The following HHLA1 variants were observed in gnomAD, a reference collection of about 807,000 sequenced individuals.
The protein encoded by HHLA1 is HERV-H LTR-associating protein 1.
In HHLA1, 72 loss-of-function variants were observed where a neutral mutation model predicts 69.9. The ratio of observed to expected loss-of-function variants is 1.03; its 90% CI spans 0.85 to 1.25. The LOEUF is 1.25. Ranked by LOEUF, HHLA1 falls within the 50% of genes most tolerant of loss-of-function variation. The pLI, the probability that HHLA1 is intolerant of heterozygous loss-of-function variation, is 0.00. For missense variants in HHLA1, 685 were observed against 642.2 expected, an observed-to-expected ratio of 1.07 and a Z score of -0.72; for synonymous variants, 252 against 233.2, an observed-to-expected ratio of 1.08 and a Z score of -0.73.
At chr8:132,082,057 C>G (rs1336374570) in intron 10 of HHLA1, among the ~76,000 whole-genome samples, 1 of 152,030 alleles carries the variant, frequency 6.6e-6, no homozygotes, top group Non-Finnish European at 1.5e-5. Flanking sequence ...TCAGGTGGAT[C>G]AGAGAGATAC....
intron 16 of HHLA1, 102 bp downstream of exon 16, chr8:132,065,784 C>A (rs1823426506): frequency 4.0e-6 from 2 of 497,508 alleles, no homozygotes; most frequent in Non-Finnish European, 7.5e-6. Flanking sequence ...ACTAGATGAG[C>A]TACAGCATTC....
chr8:132,087,808 G>T, intron 9 of HHLA1, 37 bp downstream of exon 9: 1 of 1,545,278 alleles, frequency 6.5e-7, no homozygotes, highest in Non-Finnish European at 8.8e-7. Flanking sequence ...CTATTTCTCA[G>T]CCCAGAGAGC....
intron 5 of HHLA1, among the ~76,000 whole-genome samples, chr8:132,096,868 C>T (rs2469492): frequency 0.2 from 30,328 of 152,066 alleles, 3,560 homozygotes; most frequent in Middle Eastern, 0.3. Flanking sequence ...GGAATGCAAT[C>T]GTGCAGTCAC....
At chr8:132,102,378 G>A (rs1824123523) in intron 3 of HHLA1, among the ~76,000 whole-genome samples, 1 of 152,164 alleles carries the variant, frequency 6.6e-6, no homozygotes, top group African/African-American at 2.4e-5. Flanking sequence ...CAAAGCTTCT[G>A]GGGTTAGAGG....
intron 16 of HHLA1, among the ~76,000 whole-genome samples, 176 bp downstream of exon 16, chr8:132,065,710 T>C (rs1359627990): frequency 6.6e-6 from 1 of 152,244 alleles, no homozygotes; most frequent in East Asian, 1.9e-4. Flanking sequence ...ATTGCAAACA[T>C]CAAGCTGTTA....
At chr8:132,078,768 GCCT>G (rs1383727043) in intron 11 of HHLA1, among the ~76,000 whole-genome samples, 1 of 152,162 alleles carries the variant, frequency 6.6e-6, no homozygotes, top group Non-Finnish European at 1.5e-5. Context: ...TTAACAGCTA[GCCT>G]CCTGTCTGGA....
intron 8 of HHLA1, among the ~76,000 whole-genome samples, chr8:132,089,139 T>C (rs1455289243): frequency 6.6e-6 from 1 of 152,204 alleles, no homozygotes; most frequent in Non-Finnish European, 1.5e-5. Flanking sequence ...TTAGGCTCCA[T>C]ATAGATTTAA....
chr8:132,075,169 CTGCAGG>C (rs1489204345), intron 14 of HHLA1, among the ~76,000 whole-genome samples: 76 of 152,312 alleles, frequency 5.0e-4, no homozygotes, highest in Non-Finnish European at 9.6e-4. Flanking sequence ...TCACTATTCA[CTGCAGG>C]CTGAGAGTAA....
intron 8 of HHLA1, 85 bp downstream of exon 8, chr8:132,089,431 G>C: frequency 1.3e-6 from 1 of 756,884 alleles, no homozygotes; most frequent in Non-Finnish European, 2.4e-6. Context: ...GCAGGGGTTG[G>C]GGTGAGGAAC....
intron 10 of HHLA1, among the ~76,000 whole-genome samples, chr8:132,085,830 G>T (rs4736542): frequency 5.2e-5 from 6 of 115,404 alleles, no homozygotes; most frequent in African/African-American, 2.1e-4. Context: ...AATGTCATCA[G>T]TTAAGGCAAG....
Position 132,077,795 on chromosome 8 carries a change from T to C in HHLA1, c.1102A>G (p.Ser368Gly), listed in dbSNP as rs375756746. 7.1e-6 allele frequency: 11 copies of C among 1,551,676 alleles called. No homozygotes were observed. The highest frequency in any genetic ancestry group is 9.6e-6 in the Non-Finnish European group (11 of 1,146,984). The stretch of plus-strand genomic sequence containing the variant: ...ATCTCAGCAGCAGGCGCCAAAAGGC[T>C]TGTAGTGTTCATGGCTTCCTCGGTC... Reference protein sequence around the residue: ...AGTEEAMNTTSLLAPAAEIMA... With the variant: ...AGTEEAMNTTGLLAPAAEIMA... Residue 368 changes from serine (S) to glycine (G), a missense_variant, in exon 12 of 17, where the codon AGC becomes GGC. Transcript: ENST00000414222.
intron 10 of HHLA1, 143 bp from the exon 11 acceptor site, chr8:132,080,109 C>T (rs1823722387): frequency 2.6e-6 from 3 of 1,169,856 alleles, no homozygotes; most frequent in East Asian, 5.1e-5. Context: ...TGCTATGTTT[C>T]CTGAACAGAT....
intron 15 of HHLA1, among the ~76,000 whole-genome samples, chr8:132,068,309 C>A (rs1823474097): frequency 6.6e-6 from 1 of 152,204 alleles, no homozygotes. Flanking sequence ...GAATGAGAAT[C>A]TTGCCTCTAT....
intron 7 of HHLA1, among the ~76,000 whole-genome samples, 163 bp from the exon 8 acceptor site, chr8:132,089,762 T>G (rs4736401): frequency 2.6e-5 from 4 of 152,208 alleles, no homozygotes; most frequent in African/African-American, 9.7e-5. Flanking sequence ...TTCTAAAAAA[T>G]GAAAAGTCTT....
intron 12 of HHLA1, among the ~76,000 whole-genome samples, chr8:132,076,866 G>GA (rs1400082657): frequency 6.6e-6 from 1 of 152,058 alleles, no homozygotes; most frequent in Admixed American, 6.5e-5. Flanking sequence ...CCAGGGCAAA[G>GA]AAAAAATGAG....
chr8:132,101,441 G>C (rs1009607763), intron 3 of HHLA1, among the ~76,000 whole-genome samples: 4 of 152,122 alleles, frequency 2.6e-5, no homozygotes, highest in Admixed American at 6.5e-5. Flanking sequence ...TGGGCTAGTG[G>C]CTAAGATAAA....
intron 14 of HHLA1, among the ~76,000 whole-genome samples, chr8:132,073,011 C>G (rs1238054399): frequency 6.6e-6 from 1 of 152,212 alleles, no homozygotes; most frequent in African/African-American, 2.4e-5. Flanking sequence ...AAGCAATCTT[C>G]ACATCTTTCT....
At chr8:132,096,732 C>T (rs923595361) in intron 5 of HHLA1, among the ~76,000 whole-genome samples, 2 of 152,090 alleles carry the variant, frequency 1.3e-5, no homozygotes, top group Admixed American at 6.5e-5. Flanking sequence ...GATGTGATCC[C>T]AGGTCTACTA....
At chr8:132,080,221 A>C in intron 10 of HHLA1, 1 of 575,002 alleles carries the variant, frequency 1.7e-6, no homozygotes. Flanking sequence ...CATATGCCTT[A>C]TGGATACAAC....
Sources: gnomAD v4.1 joint callset for allele counts (sites outside exome capture counted in the v4.1 genomes callset) on GRCh38, gnomAD v4.1.1 for gene constraint, MANE v1.5 for transcripts, NCBI Gene and HGNC (gene_info 2026-07-23, HGNC 2026-07-21) for gene names.